Variants in DPP10 observed in about 807,000 individuals in gnomAD.
DPP10 encodes the protein dipeptidyl peptidase like 10.
In DPP10, 33 loss-of-function variants were observed where a neutral mutation model predicts 120.9. The ratio of observed to expected loss-of-function variants is 0.27; its 90% CI spans 0.21 to 0.37. The LOEUF is 0.37. Ranked by LOEUF, DPP10 falls within the 10% of genes least tolerant of loss-of-function variation. The probability of loss-of-function intolerance (pLI) is 1.00; values close to 1 mark genes in which losing one functional copy is unlikely to be tolerated. For synonymous variants in DPP10, 337 were observed against 326.1 expected (o/e 1.03, Z -0.36); for missense variants, 816 against 942.8 (o/e 0.87, Z 1.76).
chr2:114,467,657 G>T (rs1463912707), intron 1 of DPP10, among the ~76,000 whole-genome samples: 3 of 152,130 alleles, frequency 2.0e-5, no homozygotes, highest in Non-Finnish European at 4.4e-5. Context: ...GAATTAACTT[G>T]ATTTTAATTC....
intron 1 of DPP10, among the ~76,000 whole-genome samples, chr2:115,155,127 C>T (rs1487692382): frequency 3.3e-5 from 5 of 151,722 alleles, no homozygotes; most frequent in African/African-American, 7.3e-5. Context: ...GGCTTGGTCT[C>T]GAACTCCTGA....
chr2:114,456,992 G>A (rs142180749), intron 1 of DPP10, among the ~76,000 whole-genome samples: 200 of 152,300 alleles, frequency 1.3e-3, no homozygotes, highest in African/African-American at 4.5e-3. Context: ...TAAAAGTGAT[G>A]CTATCTATGC....
chr2:115,526,180 T>C, intron 5 of DPP10: 2 of 487,106 alleles, frequency 4.1e-6, no homozygotes, highest in Non-Finnish European at 7.3e-6. Flanking sequence ...TGGGACAGTT[T>C]GCCCAGTGCC....
intron 4 of DPP10, among the ~76,000 whole-genome samples, chr2:115,523,099 C>T (rs1171505439): frequency 6.6e-6 from 1 of 152,100 alleles, no homozygotes; most frequent in Non-Finnish European, 1.5e-5. Flanking sequence ...CAGTGACCTG[C>T]CCACGACTCT....
At chr2:115,280,323 A>G (rs1009473442) in intron 1 of DPP10, among the ~76,000 whole-genome samples, 4 of 152,202 alleles carry the variant, frequency 2.6e-5, no homozygotes, top group African/African-American at 9.6e-5. Flanking sequence ...TTATCTATTT[A>G]AAAAATGAAT....
chr2:114,581,231 A>G (rs1456889082), intron 1 of DPP10, among the ~76,000 whole-genome samples: 1 of 111,988 alleles, frequency 8.9e-6, no homozygotes, highest in East Asian at 3.0e-4. Flanking sequence ...CCCAGGCTGG[A>G]TGGAGTGCAG....
At chr2:115,687,033 T>C (rs2091027730) in intron 5 of DPP10, among the ~76,000 whole-genome samples, 1 of 151,936 alleles carries the variant, frequency 6.6e-6, no homozygotes, top group South Asian at 2.1e-4. Flanking sequence ...GAGTTTAAGA[T>C]AAAGGAAATT....
chr2:115,134,551 A>C (rs1202940120), intron 1 of DPP10, among the ~76,000 whole-genome samples: 2 of 152,178 alleles, frequency 1.3e-5, no homozygotes, highest in Admixed American at 1.3e-4. Flanking sequence ...CCAGAATTTA[A>C]ATCTGTATGT....
intron 1 of DPP10, among the ~76,000 whole-genome samples, chr2:114,522,607 A>T (rs1037204034): frequency 6.6e-6 from 1 of 152,204 alleles, no homozygotes; most frequent in African/African-American, 2.4e-5. Flanking sequence ...AACTGGGGGA[A>T]GCAGTTAAGA....
Position 115,321,338 on chromosome 2 carries a change from ATGT to A in DPP10, c.175+11990_175+11992del, listed in dbSNP as rs946173532. Among the ~76,000 whole-genome samples the A allele has an allele frequency of 1.8e-3, 277 of 152,216 alleles. 5 individuals are homozygous for A. Among genetic ancestry groups the A allele is most frequent in the Non-Finnish European group, 2.9e-4 (20 of 67,998 alleles). On this transcript the variant is annotated intron_variant, in intron 2 of 25. Transcript: ENST00000410059. ...AGAAAGGAAGCTCTTTTCTTTAAAA[ATGT>A]TGTTCCACCTTCTTCTTGTCTCTAT...
chr2:115,244,341 T>C (rs948232190), intron 1 of DPP10, among the ~76,000 whole-genome samples: 3 of 151,216 alleles, frequency 2.0e-5, no homozygotes. Context: ...GAATTACTTT[T>C]ACAATTGCTA....
intron 1 of DPP10, among the ~76,000 whole-genome samples, chr2:114,457,737 T>C (rs1193857281): frequency 6.6e-6 from 1 of 152,202 alleles, no homozygotes; most frequent in Admixed American, 6.5e-5. Context: ...TTTTATTTTA[T>C]GCTTTGCAAA....
chr2:115,250,284 T>C (rs2058700403), intron 1 of DPP10, among the ~76,000 whole-genome samples: 1 of 152,212 alleles, frequency 6.6e-6, no homozygotes, highest in African/African-American at 2.4e-5. Flanking sequence ...CCAAGATCAG[T>C]GAACCCACTG....
chr2:115,127,112 G>T (rs1468594608), intron 1 of DPP10, among the ~76,000 whole-genome samples: 1 of 152,146 alleles, frequency 6.6e-6, no homozygotes, highest in Admixed American at 6.5e-5. Context: ...TACCAGAGAG[G>T]TTGCACAGTA....
chr2:114,663,658 T>TAGAGAGAGAGAGAGAGAG (rs1385374204), intron 1 of DPP10, among the ~76,000 whole-genome samples: 3 of 91,226 alleles, frequency 3.3e-5, no homozygotes, highest in African/African-American at 1.6e-4. Context: ...TATATATATA[T>TAGAGAGAGAGAGAGAGAG]ATATATATAT....
chr2:114,462,225 G>T (rs181660975), intron 1 of DPP10: 1 of 817,548 alleles, frequency 1.2e-6, no homozygotes, highest in Non-Finnish European at 1.5e-6. Context: ...TTACAGAGCC[G>T]TATATACCAC....
At chr2:115,302,211 G>GCC in intron 1 of DPP10, among the ~76,000 whole-genome samples, 1 of 151,946 alleles carries the variant, frequency 6.6e-6, no homozygotes, top group Admixed American at 6.6e-5. Context: ...AGGGAAATCT[G>GCC]CCCCCCGTCA....
At chr2:114,723,381 A>T (rs1265709949) in intron 1 of DPP10, among the ~76,000 whole-genome samples, 1 of 152,228 alleles carries the variant, frequency 6.6e-6, no homozygotes, top group African/African-American at 2.4e-5. Context: ...CAAGGAGATG[A>T]TGGTAATTGG....
intron 1 of DPP10, among the ~76,000 whole-genome samples, chr2:114,811,036 A>AT (rs899266888): frequency 9.9e-5 from 15 of 152,232 alleles, no homozygotes; most frequent in African/African-American, 2.9e-4. Flanking sequence ...CTTTAGATGC[A>AT]TTTTTTCCCA....
Sources: allele counts gnomAD v4.1 joint callset (sites outside exome capture counted in the v4.1 genomes callset), GRCh38; gene constraint gnomAD v4.1.1; transcripts MANE v1.5; gene names NCBI Gene and HGNC (gene_info 2026-07-23, HGNC 2026-07-21).